Variants in TEKTL1 observed in about 807,000 individuals in gnomAD.
The protein encoded by TEKTL1 is tektin-like protein 1.
chr19:15,013,790 G>C, the TEKTL1 span: 1 of 1,573,576 alleles, frequency 6.4e-7, no homozygotes, highest in Non-Finnish European at 8.7e-7. Flanking sequence ...AGGGGTGCCT[G>C]TGGACAAGTT....
chr19:15,012,934 C>G, the TEKTL1 span, among the ~76,000 whole-genome samples: 1 of 151,864 alleles, frequency 6.6e-6, no homozygotes, highest in East Asian at 1.9e-4. Flanking sequence ...AAACTCCCCC[C>G]CAGAATGTTA....
At chr19:15,019,278 T>C in the TEKTL1 span, among the ~76,000 whole-genome samples, 30,278 of 152,126 alleles carry the variant, frequency 0.2, 3,251 homozygotes, top group African/African-American at 0.27. Flanking sequence ...ACAGTGTGTT[T>C]ATAGGTCAAA....
the TEKTL1 span, among the ~76,000 whole-genome samples, chr19:15,011,827 G>T: frequency 6.6e-6 from 1 of 151,944 alleles, no homozygotes; most frequent in Admixed American, 6.6e-5. Flanking sequence ...AGTAGCTCAC[G>T]CCTGTAATCC....
chr19:15,014,731 C>CGGCG, the TEKTL1 span, among the ~76,000 whole-genome samples: 9 of 11,752 alleles, frequency 7.7e-4, 1 homozygote, highest in South Asian at 0.012. Flanking sequence ...AGTGGGGGGG[C>CGGCG]GGGGGGCGGG....
chr19:15,011,119 C>A, the TEKTL1 span: 4 of 1,546,650 alleles, frequency 2.6e-6, no homozygotes, highest in Non-Finnish European at 3.5e-6. Context: ...TGTGGAAGGG[C>A]AAGATGAAGC....
chr19:15,011,049 TGGA>T, the TEKTL1 span: 1 of 1,577,406 alleles, frequency 6.3e-7, no homozygotes, highest in South Asian at 1.2e-5. Flanking sequence ...CGCTTCCGCG[TGGA>T]GATGATCAAA....
the TEKTL1 span, chr19:15,021,759 T>G: frequency 6.2e-7 from 1 of 1,612,022 alleles, no homozygotes; most frequent in Non-Finnish European, 8.5e-7. Context: ...GGGGTGCCGG[T>G]GGCTGGAGGC....
At chr19:15,013,905 T>C in the TEKTL1 span, 1 of 628,194 alleles carries the variant, frequency 1.6e-6, no homozygotes, top group South Asian at 2.0e-5. Flanking sequence ...AGATATTCAC[T>C]GCATTTTGCT....
chr19:15,015,696 C>A, the TEKTL1 span, among the ~76,000 whole-genome samples: 3 of 150,422 alleles, frequency 2.0e-5, 1 homozygote, highest in African/African-American at 7.2e-5. Flanking sequence ...GAGCAAGATT[C>A]TATATAAATG....
At chr19:15,020,369 T>C in the TEKTL1 span, 1 of 1,136,064 alleles carries the variant, frequency 8.8e-7, no homozygotes. Context: ...TTACAGCCTA[T>C]AAGGCTCAAG....
the TEKTL1 span, among the ~76,000 whole-genome samples, chr19:15,016,079 G>A: frequency 3.3e-5 from 5 of 152,106 alleles, no homozygotes; most frequent in Non-Finnish European, 7.4e-5. Context: ...TGGGGGGTGG[G>A]GAGGAGGGGA....
the TEKTL1 span, chr19:15,021,496 G>A: frequency 1.2e-6 from 2 of 1,614,194 alleles, no homozygotes; most frequent in East Asian, 4.5e-5. Flanking sequence ...GGCGCAGAAG[G>A]CGAGCGAGAC....
At chr19:15,015,215 G>T in the TEKTL1 span, among the ~76,000 whole-genome samples, 1 of 152,100 alleles carries the variant, frequency 6.6e-6, no homozygotes, top group African/African-American at 2.4e-5. Context: ...AGGTGGGAAA[G>T]GACAGATATA....
the TEKTL1 span, chr19:15,021,446 A>G: frequency 1.2e-6 from 2 of 1,614,216 alleles, no homozygotes; most frequent in Non-Finnish European, 8.5e-7. Flanking sequence ...GACGTCCGGG[A>G]GCAACAGCTG....
the TEKTL1 span, among the ~76,000 whole-genome samples, chr19:15,018,714 A>AG: frequency 1.0e-5 from 1 of 99,646 alleles, no homozygotes; most frequent in Non-Finnish European, 2.0e-5. Flanking sequence ...CCCTATCTCA[A>AG]AATATGTATA....
At chr19:15,015,701 T>A in the TEKTL1 span, among the ~76,000 whole-genome samples, 16 of 149,812 alleles carry the variant, frequency 1.1e-4, no homozygotes, top group Admixed American at 2.0e-4. Context: ...AGATTCTATA[T>A]AAATGAATGA....
At chr19:15,010,927 T>C in the TEKTL1 span, 4 of 1,580,858 alleles carry the variant, frequency 2.5e-6, no homozygotes, top group Non-Finnish European at 3.4e-6. Flanking sequence ...CCGCGCACAT[T>C]CTGACCGATC....
the TEKTL1 span, among the ~76,000 whole-genome samples, chr19:15,013,213 G>A: frequency 6.6e-6 from 1 of 152,068 alleles, no homozygotes; most frequent in Non-Finnish European, 1.5e-5. Context: ...CCCACCCACA[G>A]AATGGGATTC....
At chr19:15,013,488 G>A in the TEKTL1 span, among the ~76,000 whole-genome samples, 4 of 152,032 alleles carry the variant, frequency 2.6e-5, no homozygotes, top group African/African-American at 7.2e-5. Context: ...AAGTCAGAGA[G>A]CCCACTGAAA....
Sources: gnomAD v4.1 joint callset for allele counts (sites outside exome capture counted in the v4.1 genomes callset) on GRCh38, gnomAD v4.1.1 for gene constraint, MANE v1.5 for transcripts, NCBI Gene and HGNC (gene_info 2026-07-23, HGNC 2026-07-21) for gene names.